The following CHL1 variants were observed in gnomAD, a reference collection of about 807,000 sequenced individuals.
CHL1 encodes the protein neural cell adhesion molecule L1-like protein.
CHL1 carries 96 observed loss-of-function variants against 141.9 expected under a neutral mutation model. The ratio of observed to expected loss-of-function variants is 0.68; its 90% CI spans 0.57 to 0.80. The LOEUF is 0.80. Ranked by LOEUF, CHL1 falls within the 30% of genes least tolerant of loss-of-function variation. The pLI is 0.00. For missense variants in CHL1, 1,820 were observed against 1,457.2 expected, an observed-to-expected ratio of 1.25 and a Z score of -4.05; for synonymous variants, 613 against 502.2, an observed-to-expected ratio of 1.22 and a Z score of -2.95.
At chr3:360,193 A>C in intron 11 of CHL1, 91 bp from the exon 12 acceptor site, 1 of 1,456,256 alleles carries the variant, frequency 6.9e-7, no homozygotes, top group South Asian at 1.3e-5. Context: ...TGGTTTGAAA[A>C]TATAAATACT....
At chr3:201,573 T>C (rs1341664769) in intron 1 of CHL1, among the ~76,000 whole-genome samples, 1 of 152,012 alleles carries the variant, frequency 6.6e-6, no homozygotes, top group Non-Finnish European at 1.5e-5. Flanking sequence ...ACAACTAGAG[T>C]TTGAGGTGAG....
intron 2 of CHL1, among the ~76,000 whole-genome samples, chr3:295,947 C>A (rs17021382): frequency 0.025 from 3,754 of 152,198 alleles, 137 homozygotes; most frequent in African/African-American, 0.081. Context: ...GAAGAGAGAA[C>A]CTTGGTGCCC....
chr3:387,127 A>G (rs1167793292), intron 19 of CHL1, among the ~76,000 whole-genome samples: 1 of 152,230 alleles, frequency 6.6e-6, no homozygotes, highest in Non-Finnish European at 1.5e-5. Context: ...TGCTTGGGTC[A>G]TAGATCTCTT....
chr3:258,605 A>G (rs1466846451), intron 2 of CHL1, among the ~76,000 whole-genome samples: 1 of 152,164 alleles, frequency 6.6e-6, no homozygotes, highest in Admixed American at 6.5e-5. Context: ...AAACATTTCC[A>G]GCTCCTTCAA....
At chr3:235,275 A>T (rs1342419769) in intron 1 of CHL1, among the ~76,000 whole-genome samples, 2 of 152,136 alleles carry the variant, frequency 1.3e-5, no homozygotes, top group Non-Finnish European at 2.9e-5. Flanking sequence ...AGGTTATCAA[A>T]ATTATAAAGC....
At chr3:284,982 C>T (rs17019589) in intron 2 of CHL1, among the ~76,000 whole-genome samples, 41,521 of 152,032 alleles carry the variant, frequency 0.27, 6,028 homozygotes, top group Middle Eastern at 0.41. Flanking sequence ...GAATATTTCC[C>T]TTATAAATAG....
intron 2 of CHL1, among the ~76,000 whole-genome samples, chr3:277,192 T>G (rs954930496): frequency 5.3e-5 from 8 of 152,294 alleles, no homozygotes; most frequent in African/African-American, 1.7e-4. Context: ...TAAATGCTTA[T>G]AGATTTTTTT....
chr3:370,121 T>G (rs1454818401), intron 15 of CHL1, among the ~76,000 whole-genome samples: 1 of 152,254 alleles, frequency 6.6e-6, no homozygotes, highest in Non-Finnish European at 1.5e-5. Context: ...CAAAATTATT[T>G]AGGGACGAGT....
At chr3:348,829 G>A (rs1167002583) in intron 9 of CHL1, among the ~76,000 whole-genome samples, 1 of 152,132 alleles carries the variant, frequency 6.6e-6, no homozygotes, top group East Asian at 1.9e-4. Context: ...GCTGTTCATG[G>A]GTCTAATCGA....
intron 5 of CHL1, among the ~76,000 whole-genome samples, chr3:333,556 T>A (rs1406045019): frequency 3.3e-5 from 5 of 152,120 alleles, no homozygotes; most frequent in Admixed American, 2.6e-4. Context: ...CATTTTTATA[T>A]ACACGAAAAA....
intron 4 of CHL1, among the ~76,000 whole-genome samples, 177 bp from the exon 5 acceptor site, chr3:327,990 A>G (rs1701139319): frequency 6.6e-6 from 1 of 152,078 alleles, no homozygotes; most frequent in African/African-American, 2.4e-5. Context: ...TGTTTTATGG[A>G]CAGTAATATT....
intron 20 of CHL1, 131 bp downstream of exon 20, chr3:389,605 A>G: frequency 3.0e-6 from 2 of 666,430 alleles, no homozygotes; most frequent in South Asian, 1.9e-5. Context: ...GGAGATAAAA[A>G]CAAATATAAC....
chr3:340,748 C>G (rs1310124818), intron 5 of CHL1, 46 bp from the exon 6 acceptor site: 2 of 1,466,144 alleles, frequency 1.4e-6, no homozygotes, highest in East Asian at 2.3e-5. Flanking sequence ...TTGTTATAGT[C>G]AAAGTTAATT....
At chr3:286,675 A>G (rs924131777) in intron 2 of CHL1, among the ~76,000 whole-genome samples, 2 of 152,102 alleles carry the variant, frequency 1.3e-5, no homozygotes, top group Admixed American at 1.3e-4. Context: ...CTCTATAGAC[A>G]GAACAGAAGC....
intron 2 of CHL1, among the ~76,000 whole-genome samples, chr3:274,997 A>G (rs74836758): frequency 8.5e-5 from 13 of 152,368 alleles, no homozygotes; most frequent in African/African-American, 2.4e-4. Flanking sequence ...AAGCATTTAG[A>G]CAGTAAATTC....
chr3:376,050 GA>G (rs1226828392), intron 15 of CHL1, among the ~76,000 whole-genome samples: 1 of 152,184 alleles, frequency 6.6e-6, no homozygotes, highest in Admixed American at 6.5e-5. Context: ...GCAAACAGAG[GA>G]AAAGATTGGG....
chr3:385,057 T>A (rs1001993345), intron 19 of CHL1, among the ~76,000 whole-genome samples: 1 of 152,236 alleles, frequency 6.6e-6, no homozygotes, highest in Non-Finnish European at 1.5e-5. Flanking sequence ...ATATTATTTC[T>A]TTCCTTGAAT....
intron 23 of CHL1, among the ~76,000 whole-genome samples, chr3:392,068 C>T (rs1431845830): frequency 6.6e-6 from 1 of 152,134 alleles, no homozygotes; most frequent in African/African-American, 2.4e-5. Flanking sequence ...AAAGTTGAGT[C>T]ATCTCAATGG....
chr3:283,456 A>G (rs1696839800), intron 2 of CHL1, among the ~76,000 whole-genome samples: 2 of 152,192 alleles, frequency 1.3e-5, no homozygotes, highest in Non-Finnish European at 2.9e-5. Flanking sequence ...TGTATCTATG[A>G]AGTACTTATT....
Sources: gnomAD v4.1 joint callset for allele counts (sites outside exome capture counted in the v4.1 genomes callset) on GRCh38, gnomAD v4.1.1 for gene constraint, MANE v1.5 for transcripts, NCBI Gene and HGNC (gene_info 2026-07-23, HGNC 2026-07-21) for gene names.